Variants in FLII observed in about 807,000 individuals in gnomAD.
The protein encoded by FLII is protein flightless-1 homolog.
In FLII, 101 loss-of-function variants were observed where a neutral mutation model predicts 156.2. The observed-to-expected ratio is 0.65, with a 90% CI of 0.55 to 0.76. The LOEUF (loss-of-function observed/expected upper bound fraction) is 0.76. Ranked by LOEUF, FLII falls within the 30% of genes least tolerant of loss-of-function variation. The probability of loss-of-function intolerance (pLI) is 0.00; values close to 1 mark genes in which losing one functional copy is unlikely to be tolerated. For synonymous variants in FLII, 767 were observed against 685.8 expected, an observed-to-expected ratio of 1.12 and a Z score of -1.85; for missense variants, 1,675 against 1,682.8, an observed-to-expected ratio of 1.00 and a Z score of 0.08.
chr17:18,245,890 C>G (rs376224540), intron 26 of FLII, 40 bp from the exon 27 acceptor site: 1 of 1,614,034 alleles, frequency 6.2e-7, no homozygotes, highest in Non-Finnish European at 8.5e-7. Context: ...CCCTGCCTGC[C>G]CTGGCTCCTC....
chr17:18,251,852 G>T, intron 11 of FLII, 36 bp from the exon 12 acceptor site: 1 of 1,612,354 alleles, frequency 6.2e-7, no homozygotes, highest in East Asian at 2.2e-5. Flanking sequence ...CCCTCACTGG[G>T]CCTGCTGCCC....
rs760997501 is a variant in FLII at position 18,256,935 on chromosome 17, C to T, written c.148G>A (p.Glu50Lys). ...AGCTTCTGCAGGGCGGCCAGCTCCTCGGGCAGGTAGCAGAGGCCAGTGCGG... is the reference window on the plus strand; with the variant it reads ...AGCTTCTGCAGGGCGGCCAGCTCCTTGGGCAGGTAGCAGAGGCCAGTGCGG... Reference protein sequence around the residue: ...LNRTGLCYLPEELAALQKLEH... With the variant: ...LNRTGLCYLPKELAALQKLEH... Residue 50 changes from glutamate to lysine, a missense_variant, in exon 2 of 30, where the codon GAG becomes AAG. Transcript: ENST00000327031. The T allele has an allele frequency of 3.1e-6, 5 of 1,610,856 alleles. No individual in the cohort carries two copies. Among genetic ancestry groups the T allele is most frequent in the African/African-American group, 1.3e-5 (1 of 75,012 alleles).
chr17:18,253,196 T>C (rs1230073998), intron 9 of FLII, 105 bp downstream of exon 9: 1 of 1,135,572 alleles, frequency 8.8e-7, no homozygotes, highest in African/African-American at 1.6e-5. Flanking sequence ...AATTAACCCA[T>C]CTTCATTTTG....
At chr17:18,256,861 C>G in intron 2 of FLII, 48 bp downstream of exon 2, 2 of 1,282,992 alleles carry the variant, frequency 1.6e-6, no homozygotes, top group Non-Finnish European at 2.2e-6. Flanking sequence ...GCTCTGCCCA[C>G]CTGGCTCATC....
At position 18,255,247 on chromosome 17, in the gene FLII, G is replaced by A. The variant is rs752792555; in HGVS notation, c.263C>T (p.Ala88Val). The A allele has an allele frequency of 1.2e-6, 2 of 1,613,856 alleles. No individual in the cohort carries two copies. The highest frequency in any genetic ancestry group is 1.7e-6 in the Non-Finnish European group (2 of 1,179,786). ...GACTCCGGAATTCTTCAGACTGTTGGCTCGGGCCACGATGGCCTGGGAATA... is the reference window on the plus strand; with the variant it reads ...GACTCCGGAATTCTTCAGACTGTTGACTCGGGCCACGATGGCCTGGGAATA... ...LPSLRAIVAR[A>V]NSLKNSGVPD... Residue 88 changes from alanine (A) to valine (V), a missense_variant, in exon 4 of 30, where the codon GCC becomes GTC. Physicochemically the swap from Ala to Val is moderately conservative, Grantham distance 64. Around this residue, in one of 2 missense-constraint regions of FLII, gnomAD observed 343 missense variants for 413.5 expected, o/e 0.83. Coordinates refer to ENST00000327031, the MANE Select transcript of FLII (RefSeq NM_002018.4).
At position 18,258,558 on chromosome 17, in the gene FLII, C is replaced by A. The variant is rs910230689; in HGVS notation, c.63+70G>T. On this transcript the variant is annotated intron_variant, in intron 1 of 29. Transcript: ENST00000327031. This position sits in a 1 kb window ranked among gnomAD's most constrained non-coding sequence, Gnocchi z 4.2. Reference sequence around the variant, plus strand: ...GCCTGGAGCCGAGCGGGACAGGAAGCGGAGGCCAAGCGGGCCGGGCGGAAG... The same window carrying A: ...GCCTGGAGCCGAGCGGGACAGGAAGAGGAGGCCAAGCGGGCCGGGCGGAAG... 2 of 1,520,658 alleles carry A rather than the reference C, an allele frequency of 1.3e-6. No homozygotes were observed. The highest frequency in any genetic ancestry group is 2.0e-5 in the Admixed American group (1 of 49,964). The allele number at this position is 1,520,658 out of a possible 1,614,324, so 94.2% of individuals were successfully genotyped here.
chr17:18,254,437 G>C, intron 6 of FLII, 84 bp downstream of exon 6: 2 of 1,381,832 alleles, frequency 1.4e-6, no homozygotes, highest in Admixed American at 2.4e-5. Flanking sequence ...TAAGGGAGAA[G>C]GGTTAGGGCC....
intron 29 of FLII, 32 bp from the exon 30 acceptor site, chr17:18,245,304 A>ACCCTG (rs2047994151): frequency 6.2e-7 from 1 of 1,613,390 alleles, no homozygotes; most frequent in Non-Finnish European, 8.5e-7. Flanking sequence ...TTGGGTGATG[A>ACCCTG]CCCTGCCCTG....
At position 18,256,902 on chromosome 17, in the gene FLII, C is replaced by T. The variant is rs746626916; in HGVS notation, c.174+7G>A. On this transcript the variant is annotated splice_region_variant and intron_variant, in intron 2 of 29. Coordinates refer to ENST00000327031, the MANE Select transcript of FLII (RefSeq NM_002018.4). The stretch of plus-strand genomic sequence containing the variant: ...GGACCCTCCCCTGCCCGCCCAAACC[C>T]CCTTACCAGCTTCTGCAGGGCGGCC... 5.6e-6 allele frequency: 9 copies of T among 1,595,188 alleles called. No homozygotes were observed. Among genetic ancestry groups the T allele is most frequent in the Admixed American group, 1.7e-5 (1 of 58,556 alleles).
Position 18,251,827 on chromosome 17 carries a change from G to A in FLII, c.1247-11C>T, listed in dbSNP as rs1365982437. On this transcript the variant is annotated splice_polypyrimidine_tract_variant and intron_variant, in intron 11 of 29. Coordinates refer to ENST00000327031, the MANE Select transcript of FLII (RefSeq NM_002018.4). The stretch of plus-strand genomic sequence containing the variant: ...TGGGCCCACTCCCTGCTTAGGGGAG[G>A]GGCAAACAGCTGAGCCCTCACTGGG... 2 of 1,613,330 alleles carry A rather than the reference G, an allele frequency of 1.2e-6. No individual in the cohort carries two copies. Among genetic ancestry groups the A allele is most frequent in the Non-Finnish European group, 1.7e-6 (2 of 1,179,992 alleles).
At position 18,248,683 on chromosome 17, in the gene FLII, C is replaced by T; in HGVS notation, c.2057G>A (p.Gly686Glu). ...CACCAGCAGTGTGATCTCAGCCTTC[C>T]CTTTCCGCTCATTCTTGTTAATTTT... The part of the protein sequence containing the change: ...AEKINKNERK[G>E]KAEITLLVQG... The change falls in exon 18 of 30, where the codon GGG (glycine) becomes GAG (glutamate). Residue 686 changes from glycine to glutamate, a missense_variant. Physicochemically the swap from Gly to Glu is moderately conservative, Grantham distance 98. Coordinates refer to ENST00000327031, the MANE Select transcript of FLII (RefSeq NM_002018.4). The T allele has an allele frequency of 1.2e-6, 2 of 1,613,944 alleles. No homozygotes were observed. The highest frequency in any genetic ancestry group is 1.7e-5 in the Admixed American group (1 of 60,022).
chr17:18,253,124 C>T (rs577803395), intron 9 of FLII, among the ~76,000 whole-genome samples, 177 bp downstream of exon 9: 44 of 152,292 alleles, frequency 2.9e-4, no homozygotes, highest in African/African-American at 9.9e-4. Flanking sequence ...CATTCCAGCC[C>T]AGGCGACAGA....
chr17:18,245,108 T>C lies in FLII; in HGVS notation c.*30A>G, dbSNP rs1223599943. On this transcript the variant is annotated 3_prime_UTR_variant, in exon 30 of 30. Transcript: ENST00000327031. The stretch of plus-strand genomic sequence containing the variant: ...AGTGGATGAGGCCCCTTCCTCTTCC[T>C]CACCAAGCCTGGGGCTGTGCCAGCC... 1 of 1,591,266 alleles carries C rather than the reference T, an allele frequency of 6.3e-7. No individual in the cohort carries two copies. Among genetic ancestry groups the C allele is most frequent in the African/African-American group, 1.3e-5 (1 of 74,324 alleles).
At position 18,256,702 on chromosome 17, in the gene FLII, G is replaced by A. The variant is rs576679415; in HGVS notation, c.175-105C>T. 27 of 1,030,406 alleles carry A rather than the reference G, an allele frequency of 2.6e-5. No homozygotes were observed. In the East Asian group the frequency reaches 6.5e-4, roughly 25 times the overall value. 63.8% of individuals were successfully genotyped at this position (1,030,406 alleles called of 1,614,324 possible). On this transcript the variant is annotated intron_variant, in intron 2 of 29. Coordinates refer to ENST00000327031, the MANE Select transcript of FLII (RefSeq NM_002018.4). ...CATCCAGGAAGGCCTCAGCCACACT[G>A]GCCCAACTACCCCTGCAGCTTCCCT... is the stretch of plus-strand genomic sequence containing the variant.
chr17:18,248,950 C>A (rs1037562030), intron 16 of FLII, 67 bp from the exon 17 acceptor site: 11 of 1,478,994 alleles, frequency 7.4e-6, no homozygotes, highest in Middle Eastern at 1.7e-4. Context: ...ATGCTCCTGA[C>A]CCCACCAAAA....
Position 18,251,640 on chromosome 17 carries a change from C to G in FLII, c.1383+40G>C, listed in dbSNP as rs373266755. The G allele has an allele frequency of 2.8e-5, 45 of 1,613,000 alleles. No homozygotes were observed. In the African/African-American group the frequency reaches 5.7e-4, roughly 21 times the overall value. On this transcript the variant is annotated intron_variant, in intron 12 of 29. Transcript: ENST00000327031. ...GGCCAGGGTCGGCCTTCAGCAGAAGCTAAGGCTCCCTGCCTTGTCCCAACC... is the reference window on the plus strand; with the variant it reads ...GGCCAGGGTCGGCCTTCAGCAGAAGGTAAGGCTCCCTGCCTTGTCCCAACC...
At position 18,245,941 on chromosome 17, in the gene FLII, C is replaced by T. The variant is rs1597895554; in HGVS notation, c.3389G>A (p.Ser1130Asn). Residue 1130 changes from serine to asparagine, a missense_variant, in exon 26 of 30, where the codon AGC becomes AAC. Physicochemically the swap from Ser to Asn is conservative, Grantham distance 46. This residue lies in a region of FLII where 1,332 missense variants were observed against 1,269.3 expected (regional missense o/e 1.05). Transcript: ENST00000327031. ...GCCCGCCCGCCTCCTGACCTGCTTGCTGTAGGAGGTGTCAAACATGGTGTT... is the reference window on the plus strand; with the variant it reads ...GCCCGCCCGCCTCCTGACCTGCTTGTTGTAGGAGGTGTCAAACATGGTGTT... Reference protein sequence around the residue: ...ILNTMFDTSYSKQVINEGEEP... With the variant: ...ILNTMFDTSYNKQVINEGEEP... 6.2e-7 allele frequency: 1 copy of T among 1,614,056 alleles called. No homozygotes were observed. The highest frequency in any genetic ancestry group is 8.5e-7 in the Non-Finnish European group (1 of 1,179,968).
At position 18,245,795 on chromosome 17, in the gene FLII, T is replaced by G; in HGVS notation, c.3452A>C (p.Gln1151Pro). The G allele has an allele frequency of 4.3e-6, 7 of 1,614,070 alleles. No homozygotes were observed. The highest frequency in any genetic ancestry group is 5.1e-6 in the Non-Finnish European group (6 of 1,179,994). Reference sequence around the variant, plus strand: ...CTCGGCATCGTCATCATAGGGCTTCTGTGCCCCAATGCCCACCCAGAAGAA... The same window carrying G: ...CTCGGCATCGTCATCATAGGGCTTCGGTGCCCCAATGCCCACCCAGAAGAA... Reference protein sequence around the residue: ...ENFFWVGIGAQKPYDDDAEYM... With the variant: ...ENFFWVGIGAPKPYDDDAEYM... Residue 1151 changes from glutamine to proline, a missense_variant, in exon 27 of 30, where the codon CAG becomes CCG. This residue lies in a region of FLII where 1,332 missense variants were observed against 1,269.3 expected (regional missense o/e 1.05). Coordinates refer to ENST00000327031, the MANE Select transcript of FLII (RefSeq NM_002018.4).
In FLII at chr17:18,249,397, G is replaced by A. The variant is rs150553463; in HGVS notation, c.1788C>T (p.Asn596=). Reference sequence around the variant, plus strand: ...TTCCACCCTCAATGTAGGAGATGTCGTTGTCAAACACCTGTGTGTGTGAGG... The same window carrying A: ...TTCCACCCTCAATGTAGGAGATGTCATTGTCAAACACCTGTGTGTGTGAGG... ...ESEEFLQVFD[N]DISYIEGGTA... is the part of the protein sequence containing the mutation. The change falls in exon 15 of 30, where the codon AAC becomes AAT. Residue 596 remains asparagine (N), a synonymous_variant. Transcript: ENST00000327031. 2,610 of 1,613,870 alleles carry A rather than the reference G, an allele frequency of 1.6e-3. 17 individuals carry two copies. Among genetic ancestry groups the A allele is most frequent in the South Asian group, 0.014 (1,230 of 91,070 alleles).
Sources: gnomAD v4.1 joint callset for allele counts (sites outside exome capture counted in the v4.1 genomes callset) on GRCh38, gnomAD v4.1.1 for gene constraint, gnomAD v4.1.1 regional missense constraint, Gnocchi (gnomAD v3.1) non-coding constraint, MANE v1.5 for transcripts, NCBI Gene and HGNC (gene_info 2026-07-23, HGNC 2026-07-21) for gene names.